The following SALL3 variants were observed in gnomAD, a reference collection of about 807,000 sequenced individuals.
SALL3 encodes spalt like transcription factor 3, also known as sal-like protein 3.
SALL3 carries 25 observed loss-of-function variants against 66.2 expected under a neutral mutation model. The ratio of observed to expected loss-of-function variants is 0.38; its 90% CI spans 0.28 to 0.53. The LOEUF (loss-of-function observed/expected upper bound fraction) is 0.53, where lower values mean the gene tolerates loss of function less well. Ranked by LOEUF, SALL3 falls within the 20% of genes least tolerant of loss-of-function variation. The pLI, the probability that SALL3 is intolerant of heterozygous loss-of-function variation, is 0.85. For synonymous variants in SALL3, 1,152 were observed against 899.1 expected (o/e 1.28, Z -5.03); for missense variants, 2,194 against 1,916.5 (o/e 1.14, Z -2.70).
In SALL3 at chr18:78,994,101, G is replaced by A; in HGVS notation, c.2110G>A (p.Glu704Lys). 1 of 1,612,934 alleles carries A rather than the reference G, an allele frequency of 6.2e-7. No individual in the cohort carries two copies. The highest frequency in any genetic ancestry group is 8.5e-7 in the Non-Finnish European group (1 of 1,179,986). Residue 704 changes from glutamate (E) to lysine (K), a missense_variant, in exon 2 of 3, where the codon GAG (glutamate) becomes AAG (lysine). Transcript: ENST00000537592. ...GATGCACTACCGGACGCACACGGGG[G>A]AGCGGCCGTTCAAGTGCAAGATCTG... ...LKMHYRTHTG[E>K]RPFKCKICGR...
Position 78,992,252 on chromosome 18 carries a change from C to T in SALL3, c.261C>T (p.Pro87=), listed in dbSNP as rs752769566. The T allele has an allele frequency of 3.8e-6, 6 of 1,575,472 alleles. No individual in the cohort carries two copies. Among genetic ancestry groups the T allele is most frequent in the African/African-American group, 1.4e-5 (1 of 72,366 alleles). The change falls in exon 2 of 3, where the codon CCC becomes CCT. Residue 87 remains proline (P), a synonymous_variant. Coordinates refer to ENST00000537592, the MANE Select transcript of SALL3 (RefSeq NM_171999.4). Reference sequence around the variant, plus strand: ...TGCTGATCGTGCACGAGGACGCGCCCGCGCCGCCCCCCGAGGACTTCCCCG... The same window carrying T: ...TGCTGATCGTGCACGAGGACGCGCCTGCGCCGCCCCCCGAGGACTTCCCCG... ...PPVLIVHEDA[P]APPPEDFPEP... is the part of the protein sequence containing the mutation.
In SALL3 at chr18:78,986,227, G is replaced by A. The variant is rs10221285; in HGVS notation, c.83-5847G>A. Among the ~76,000 whole-genome samples the A allele has an allele frequency of 6.6e-3, 1,001 of 152,310 alleles. 12 individuals are homozygous for A. The highest frequency in any genetic ancestry group is 0.023 in the African/African-American group (950 of 41,568). On this transcript the variant is annotated intron_variant, in intron 1 of 2. Transcript: ENST00000537592. ...TGCTTCACTGCACAGGTTAAAAACT[G>A]CAAATGTTTTAAGCAGAAGACAGTT...
intron 1 of SALL3, among the ~76,000 whole-genome samples, chr18:78,990,972 C>G (rs1914410839): frequency 6.6e-6 from 1 of 152,144 alleles, no homozygotes; most frequent in African/African-American, 2.4e-5. Context: ...ATAGTTGTTA[C>G]TCGGCACAAG....
chr18:78,991,384 G>GGC (rs1555706483), intron 1 of SALL3, among the ~76,000 whole-genome samples: 72 of 2,706 alleles, frequency 0.027, 2 homozygotes, highest in Admixed American at 0.099. Flanking sequence ...GTACAAGGGT[G>GGC]GGGGGGGGGG....
At position 78,995,275 on chromosome 18, in the gene SALL3, G is replaced by A. The variant is rs766729716; in HGVS notation, c.3284G>A (p.Gly1095Asp). 9 of 1,588,796 alleles carry A rather than the reference G, an allele frequency of 5.7e-6. No homozygotes were observed. The South Asian group carries it at 7.8e-5, about 14-fold the overall frequency. Reference sequence around the variant, plus strand: ...CCCGCCGGGCCTCAGACAGTGATGGGCCCGGGCCTGGCGCCCATGCTGGCC... The same window carrying A: ...CCCGCCGGGCCTCAGACAGTGATGGACCCGGGCCTGGCGCCCATGCTGGCC... Reference protein sequence around the residue: ...QVPAGPQTVMGPGLAPMLAPP... With the variant: ...QVPAGPQTVMDPGLAPMLAPP... Residue 1095 changes from glycine (G) to aspartate (D), a missense_variant, in exon 2 of 3, where the codon GGC becomes GAC. Transcript: ENST00000537592.
At position 78,980,341 on chromosome 18, in the gene SALL3, G is replaced by T; in HGVS notation, c.67G>T (p.Gly23Trp). The change falls in exon 1 of 3, where the codon GGG becomes TGG. Residue 23 changes from glycine to tryptophan, a missense_variant. Coordinates refer to ENST00000537592, the MANE Select transcript of SALL3 (RefSeq NM_171999.4). The part of the protein sequence containing the change: ...KSDEELLPPD[G>W]APEHAAPGEG... ...GGACGAGGAGCTGCTGCCGCCTGAC[G>T]GGGCTCCCGAGCACGGTGAGGGCCG... The T allele has an allele frequency of 6.9e-7, 1 of 1,439,832 alleles. No homozygotes were observed. The highest frequency in any genetic ancestry group is 9.2e-7 in the Non-Finnish European group (1 of 1,090,970). 89.2% of individuals were successfully genotyped at this position (1,439,832 alleles called of 1,614,324 possible).
In SALL3 at chr18:78,992,743, C is replaced by T. The variant is rs1303268028; in HGVS notation, c.752C>T (p.Pro251Leu). ...AGCCCCGCGGCCGCCCCGAGCGCAC[C>T]GGGCCCGGCCCCCAGCCAGCTGCCC... ...SLSPAAAPSA[P>L]GPAPSQLPGL... Residue 251 changes from proline to leucine, a missense_variant, in exon 2 of 3, where the codon CCG becomes CTG. Transcript: ENST00000537592. 2.5e-6 allele frequency: 3 copies of T among 1,202,312 alleles called. No homozygotes were observed. Among genetic ancestry groups the T allele is most frequent in the South Asian group, 2.3e-5 (1 of 42,984 alleles). 74.5% of individuals were successfully genotyped at this position (1,202,312 alleles called of 1,614,324 possible).
Position 78,995,453 on chromosome 18 carries a change from C to A in SALL3, c.3462C>A (p.Gly1154=), listed in dbSNP as rs1289096278. 1 of 1,564,872 alleles carries A rather than the reference C, an allele frequency of 6.4e-7. No homozygotes were observed. The highest frequency in any genetic ancestry group is 1.2e-5 in the South Asian group (1 of 84,594). The change falls in exon 2 of 3, where the codon GGC becomes GGA. Residue 1154 remains glycine (G), a synonymous_variant. Transcript: ENST00000537592. ...TICGRAFTTK[G]NLKVHMGTHM... is the part of the protein sequence containing the mutation. ...GCGGCCGGGCCTTCACCACTAAGGG[C>A]AACCTCAAGGTAAGAGCATGGCAGG...
rs888192445 is a variant in SALL3, at chr18:78,992,183, G to A, written c.192G>A (p.Ala64=). 10 of 1,610,284 alleles carry A rather than the reference G, an allele frequency of 6.2e-6. No homozygotes were observed. The highest frequency in any genetic ancestry group is 3.3e-4 in the Middle Eastern group (2 of 6,058). Residue 64 remains alanine, a synonymous_variant, in exon 2 of 3, where the codon GCG becomes GCA. Transcript: ENST00000537592. ...EKCCAEFFKW[A]DFLEHQRSCT... is the part of the protein sequence containing the mutation. ...GCTGCGCCGAGTTCTTCAAGTGGGC[G>A]GACTTCCTGGAGCACCAGCGGAGCT...
At chr18:78,990,241 A>G (rs758991405) in intron 1 of SALL3, among the ~76,000 whole-genome samples, 1 of 152,196 alleles carries the variant, frequency 6.6e-6, no homozygotes, top group Non-Finnish European at 1.5e-5. Flanking sequence ...TACCTATTAC[A>G]TTCCTTCCTC....
intron 1 of SALL3, among the ~76,000 whole-genome samples, chr18:78,982,805 C>G (rs1249760253): frequency 6.6e-6 from 1 of 152,180 alleles, no homozygotes; most frequent in East Asian, 1.9e-4. Flanking sequence ...CTTTGTATCA[C>G]TCGGGGAGTG....
At chr18:78,996,741 A>T (rs570725063) in intron 2 of SALL3, 150 bp from the exon 3 acceptor site, 9 of 684,420 alleles carry the variant, frequency 1.3e-5, no homozygotes, top group South Asian at 4.1e-5. Context: ...ATGTAGAAAT[A>T]TAAAGTGCCC....
chr18:78,996,972 C>T lies in SALL3; in HGVS notation c.3553C>T (p.Leu1185=), dbSNP rs202141707. Reference sequence around the variant, plus strand: ...GTCTGTGGAGAACCCCATGGCTCTCCTAGGGGGTGATGCCCTGAAGTTCTC... The same window carrying T: ...GTCTGTGGAGAACCCCATGGCTCTCTTAGGGGGTGATGCCCTGAAGTTCTC... ...RLSVENPMAL[L]GGDALKFSEM... The change falls in exon 3 of 3, where the codon CTA becomes TTA. Residue 1185 remains leucine (L), a synonymous_variant. Coordinates refer to ENST00000537592, the MANE Select transcript of SALL3 (RefSeq NM_171999.4). 4.3e-6 allele frequency: 7 copies of T among 1,613,842 alleles called. No homozygotes were observed. In the Admixed American group the frequency reaches 1.0e-4, roughly 23 times the overall value.
rs1289267802 is a variant in SALL3 at position 78,994,903 on chromosome 18, G to C, written c.2912G>C (p.Arg971Pro). Residue 971 changes from arginine to proline, a missense_variant, in exon 2 of 3, where the codon CGG becomes CCG. Arg to Pro is a moderately radical substitution (Grantham distance 103, BLOSUM62 -2). Transcript: ENST00000537592. ...AGCCTGCTGTTCCTGAGCAGGGAGC[G>C]GGGTAAGTGTCCCAGCACTGTGTGT... ...PFSLLFLSRE[R>P]GKCPSTVCGV... 3.7e-6 allele frequency: 6 copies of C among 1,612,844 alleles called. No homozygotes were observed. Among genetic ancestry groups the C allele is most frequent in the Non-Finnish European group, 4.2e-6 (5 of 1,179,752 alleles).
At chr18:78,985,676 C>T (rs1477691866) in intron 1 of SALL3, among the ~76,000 whole-genome samples, 1 of 152,196 alleles carries the variant, frequency 6.6e-6, no homozygotes, top group Non-Finnish European at 1.5e-5. Flanking sequence ...GGTAGCCTTG[C>T]TTCTGGACGC....
At chr18:78,983,592 G>A (rs1396204332) in intron 1 of SALL3, among the ~76,000 whole-genome samples, 1 of 152,112 alleles carries the variant, frequency 6.6e-6, no homozygotes, top group East Asian at 1.9e-4. Context: ...TGTGATTTAA[G>A]AATTTACCAG....
rs1473989435 is a variant in SALL3 at position 78,994,944 on chromosome 18, C to A, written c.2953C>A (p.Pro985Thr). The change falls in exon 2 of 3, where the codon CCT becomes ACT. Residue 985 changes from proline to threonine, a missense_variant. Physicochemically the swap from Pro to Thr is conservative, Grantham distance 38. Coordinates refer to ENST00000537592, the MANE Select transcript of SALL3 (RefSeq NM_171999.4). Reference sequence around the variant, plus strand: ...CACTGTGTGTGGTGTCTGTGGCAAGCCTTTTGCTTGCAAGAGCGCGTTGGA... The same window carrying A: ...CACTGTGTGTGGTGTCTGTGGCAAGACTTTTGCTTGCAAGAGCGCGTTGGA... ...PSTVCGVCGK[P>T]FACKSALEIH... 3 of 1,613,582 alleles carry A rather than the reference C, an allele frequency of 1.9e-6. No individual in the cohort carries two copies. The African/African-American group carries it at 4.0e-5, about 22-fold the overall frequency.
At chr18:78,984,740 A>C (rs1231138446) in intron 1 of SALL3, among the ~76,000 whole-genome samples, 1 of 152,280 alleles carries the variant, frequency 6.6e-6, no homozygotes, top group African/African-American at 2.4e-5. Flanking sequence ...AGAAAGTATA[A>C]AATATTAATT....
rs760650997 is a variant in SALL3, at chr18:78,992,698, C to G, written c.707C>G (p.Pro236Arg). 4 of 1,506,978 alleles carry G rather than the reference C, an allele frequency of 2.7e-6. No homozygotes were observed. Among genetic ancestry groups the G allele is most frequent in the Non-Finnish European group, 3.5e-6 (4 of 1,131,794 alleles). 93.4% of individuals were successfully genotyped at this position (1,506,978 alleles called of 1,614,324 possible). The change falls in exon 2 of 3, where the codon CCG becomes CGG. Residue 236 changes from proline to arginine, a missense_variant. By Grantham distance (103) the Pro-to-Arg change is moderately radical. Transcript: ENST00000537592. ...AGCCAGGTGGCCCTCATGCAGCGCC[C>G]GCCGCCGCGGCCCTCACTCAGCCCC... ...IRSQVALMQR[P>R]PPRPSLSPAA...
Sources: gnomAD v4.1 joint callset for allele counts (sites outside exome capture counted in the v4.1 genomes callset) on GRCh38, gnomAD v4.1.1 for gene constraint, MANE v1.5 for transcripts, NCBI Gene and HGNC (gene_info 2026-07-23, HGNC 2026-07-21) for gene names.